The following ZNF10 variants were observed in gnomAD, a reference collection of about 807,000 sequenced individuals.
ZNF10 encodes the protein zinc finger protein 10, also known as zinc finger protein 10 (KOX 1).
A neutral mutation model predicts 12.2 loss-of-function variants in ZNF10; 8 were observed. The ratio of observed to expected loss-of-function variants is 0.66; its 90% CI spans 0.39 to 1.18. ZNF10 has a LOEUF of 1.18. Among genes scored for constraint, ZNF10 ranks in the 50% most tolerant of loss-of-function variants. The pLI, the probability that ZNF10 is intolerant of heterozygous loss-of-function variation, is 0.01. For missense variants in ZNF10, 603 were observed against 678.9 expected (o/e 0.89, Z 1.24); for synonymous variants, 229 against 228.2 (o/e 1.00, Z -0.03).
rs777253013 is a variant in ZNF10 at position 133,155,778 on chromosome 12, C to G, written c.532C>G (p.Gln178Glu). Residue 178 changes from glutamine (Q) to glutamate (E), a missense_variant, in exon 5 of 5, where the codon CAG becomes GAG. By Grantham distance (29) the Gln-to-Glu change is conservative. Transcript: ENST00000248211. ...KYGGNCLLPA[Q>E]LVLREYFHKR... is the part of the protein sequence containing the mutation. ...TGGGGGAAACTGTCTTCTTCCTGCTCAGCTAGTACTGAGAGAGTATTTCCA... is the reference window on the plus strand; with the variant it reads ...TGGGGGAAACTGTCTTCTTCCTGCTGAGCTAGTACTGAGAGAGTATTTCCA... 4 of 1,613,620 alleles carry G rather than the reference C, an allele frequency of 2.5e-6. No homozygotes were observed. The highest frequency in any genetic ancestry group is 3.4e-6 in the Non-Finnish European group (4 of 1,179,842).
chr12:133,132,791 A>G (rs2137636020), intron 1 of ZNF10, among the ~76,000 whole-genome samples: 1 of 152,304 alleles, frequency 6.6e-6, no homozygotes, highest in Middle Eastern at 3.4e-3. Context: ...ACTGATCCTA[A>G]CATTTCCTGT....
chr12:133,144,430 C>T lies in ZNF10; in HGVS notation c.-59-4C>T. 6.4e-7 allele frequency: 1 copy of T among 1,554,972 alleles called. No individual in the cohort carries two copies. The highest frequency in any genetic ancestry group is 8.8e-7 in the Non-Finnish European group (1 of 1,138,940). Reference sequence around the variant, plus strand: ...CTTAACTTATGTTTCTTTCTTTTTCCCAGCTTTGTCTCCTCAGCACTCTGC... The same window carrying T: ...CTTAACTTATGTTTCTTTCTTTTTCTCAGCTTTGTCTCCTCAGCACTCTGC... On this transcript the variant is annotated splice_polypyrimidine_tract_variant and splice_region_variant and intron_variant, in intron 1 of 4. Transcript: ENST00000248211.
At chr12:133,144,306 A>G (rs1955963193) in intron 1 of ZNF10, 128 bp from the exon 2 acceptor site, 1 of 498,968 alleles carries the variant, frequency 2.0e-6, no homozygotes, top group South Asian at 3.2e-5. Context: ...CTTATAGAAT[A>G]TCTCTGATGT....
intron 2 of ZNF10, among the ~76,000 whole-genome samples, chr12:133,147,589 A>C (rs1955983261): frequency 6.6e-6 from 1 of 151,206 alleles, no homozygotes. Flanking sequence ...CTCAGTAAGA[A>C]AACTAGTCTG....
intron 4 of ZNF10, among the ~76,000 whole-genome samples, chr12:133,155,147 G>C (rs1185992322): frequency 6.6e-6 from 1 of 151,966 alleles, no homozygotes; most frequent in East Asian, 1.9e-4. Flanking sequence ...GGAAAGTCCT[G>C]ACAACAAGTA....
At chr12:133,142,508 A>G (rs1566346033) in intron 1 of ZNF10, among the ~76,000 whole-genome samples, 1 of 152,144 alleles carries the variant, frequency 6.6e-6, no homozygotes, top group Non-Finnish European at 1.5e-5. Context: ...ACAACTCAAC[A>G]ATACACACAG....
At position 133,157,911 on chromosome 12, in the gene ZNF10, C is replaced by G. The variant is rs758807419; in HGVS notation, c.*943C>G. 2.0e-5 allele frequency: 3 copies of G among 152,140 alleles called. No individual in the cohort carries two copies. Among genetic ancestry groups the G allele is most frequent in the Non-Finnish European group, 4.4e-5 (3 of 68,008 alleles). The allele number at this position is 152,140 out of a possible 1,614,324, so 9.4% of individuals were successfully genotyped here. A position where few individuals can be genotyped will look rare whatever the true frequency, so the allele number is the denominator to read the frequency against. ...CATTTGAACATATCAGGGAGGGTCC[C>G]CATTTTAGTGGGAACAAGTATTTAA... On this transcript the variant is annotated 3_prime_UTR_variant, in exon 5 of 5. Transcript: ENST00000248211.
chr12:133,151,297 C>T, intron 3 of ZNF10, 143 bp downstream of exon 3: 2 of 851,118 alleles, frequency 2.3e-6, no homozygotes, highest in Non-Finnish European at 3.3e-6. Context: ...TTTTTTTACT[C>T]CAGCTTTTGT....
chr12:133,145,064 AG>A, intron 2 of ZNF10: 1 of 302,066 alleles, frequency 3.3e-6, no homozygotes, highest in South Asian at 2.5e-5. Flanking sequence ...TTGTATTTTT[AG>A]TAGAGACGGG....
intron 1 of ZNF10, chr12:133,143,929 C>G (rs529284243): frequency 6.6e-6 from 1 of 152,266 alleles, no homozygotes; most frequent in Admixed American, 6.5e-5. Flanking sequence ...GACTGAGGTC[C>G]CTGCTTCCTA....
intron 2 of ZNF10, among the ~76,000 whole-genome samples, chr12:133,149,558 A>G (rs927168877): frequency 2.0e-5 from 3 of 150,390 alleles, no homozygotes; most frequent in Non-Finnish European, 4.4e-5. Flanking sequence ...GGGTTTTGCC[A>G]TATTGCCAGG....
chr12:133,140,186 G>C (rs1252741205), intron 1 of ZNF10, among the ~76,000 whole-genome samples: 1 of 120,016 alleles, frequency 8.3e-6, no homozygotes, highest in African/African-American at 3.1e-5. Flanking sequence ...CTGGATGACA[G>C]AGTAAGACCC....
At chr12:133,141,191 A>G (rs953876796) in intron 1 of ZNF10, among the ~76,000 whole-genome samples, 5 of 152,220 alleles carry the variant, frequency 3.3e-5, no homozygotes, top group African/African-American at 1.2e-4. Context: ...CTGTCTAGCA[A>G]ATTGTAAAAG....
chr12:133,151,110 A>G lies in ZNF10; in HGVS notation c.116A>G (p.Tyr39Cys). The G allele has an allele frequency of 6.2e-7, 1 of 1,613,884 alleles. No homozygotes were observed. Among genetic ancestry groups the G allele is most frequent in the Non-Finnish European group, 8.5e-7 (1 of 1,179,782 alleles). The stretch of plus-strand genomic sequence containing the variant: ...CTGGACACTGCTCAGCAGATCGTGT[A>G]CAGAAATGTGATGCTGGAGAACTAT... Reference protein sequence around the residue: ...KLLDTAQQIVYRNVMLENYKN... With the variant: ...KLLDTAQQIVCRNVMLENYKN... The change falls in exon 3 of 5, where the codon TAC (tyrosine) becomes TGC (cysteine). Residue 39 changes from tyrosine to cysteine, a missense_variant. This residue lies in a region of ZNF10 where 393 missense variants were observed against 399.7 expected (regional missense o/e 0.98). Transcript: ENST00000248211.
intron 2 of ZNF10, among the ~76,000 whole-genome samples, chr12:133,145,866 T>G (rs982797216): frequency 7.5e-6 from 1 of 132,570 alleles, no homozygotes; most frequent in African/African-American, 2.9e-5. Flanking sequence ...ATGTACAGAT[T>G]TGACCACAGG....
chr12:133,145,736 C>T (rs893915286), intron 2 of ZNF10, among the ~76,000 whole-genome samples: 2 of 151,932 alleles, frequency 1.3e-5, no homozygotes, highest in Non-Finnish European at 1.5e-5. Context: ...ACCCGGGAGG[C>T]GGAGGTTGCA....
In ZNF10 at chr12:133,151,117, T is replaced by C. The variant is rs1956004198; in HGVS notation, c.123T>C (p.Asn41=). 5 of 1,613,566 alleles carry C rather than the reference T, an allele frequency of 3.1e-6. No individual in the cohort carries two copies. The highest frequency in any genetic ancestry group is 1.1e-5 in the South Asian group (1 of 91,036). The change falls in exon 3 of 5, where the codon AAT becomes AAC. Residue 41 remains asparagine (N), a synonymous_variant. Coordinates refer to ENST00000248211, the MANE Select transcript of ZNF10 (RefSeq NM_015394.5). ...CTGCTCAGCAGATCGTGTACAGAAATGTGATGCTGGAGAACTATAAGAACC... is the reference window on the plus strand; with the variant it reads ...CTGCTCAGCAGATCGTGTACAGAAACGTGATGCTGGAGAACTATAAGAACC... ...LDTAQQIVYR[N]VMLENYKNLV...
In ZNF10 at chr12:133,156,607, C is replaced by T; in HGVS notation, c.1361C>T (p.Thr454Ile). 2 of 1,613,934 alleles carry T rather than the reference C, an allele frequency of 1.2e-6. No homozygotes were observed. The highest frequency in any genetic ancestry group is 1.7e-6 in the Non-Finnish European group (2 of 1,179,938). ...RSSHLYSHQR[T>I]HTGEKPYECH... ...TCTCACCTTTATTCACATCAAAGAA[C>T]CCACACTGGAGAGAAACCATATGAG... The change falls in exon 5 of 5, where the codon ACC becomes ATC. Residue 454 changes from threonine to isoleucine, a missense_variant. Thr to Ile is a moderately conservative substitution (Grantham distance 89). Coordinates refer to ENST00000248211, the MANE Select transcript of ZNF10 (RefSeq NM_015394.5).
At chr12:133,152,556 C>G (rs944619819) in intron 4 of ZNF10, among the ~76,000 whole-genome samples, 2 of 152,144 alleles carry the variant, frequency 1.3e-5, no homozygotes, top group Non-Finnish European at 2.9e-5. Context: ...CCAGGAATTA[C>G]AGGCATGCAC....
Sources: allele counts gnomAD v4.1 joint callset (sites outside exome capture counted in the v4.1 genomes callset), GRCh38; gene constraint gnomAD v4.1.1; regional missense constraint gnomAD v4.1.1; transcripts MANE v1.5; gene names NCBI Gene and HGNC (gene_info 2026-07-23, HGNC 2026-07-21).